The following FAM120B variants were observed in gnomAD, a reference collection of about 807,000 sequenced individuals.
FAM120B encodes the protein family with sequence similarity 120 member B.
FAM120B carries 83 observed loss-of-function variants against 96.3 expected under a neutral mutation model. That is an observed-to-expected ratio of 0.86 (90% CI 0.72 to 1.03). The LOEUF (loss-of-function observed/expected upper bound fraction) is 1.03, where lower values mean the gene tolerates loss of function less well. Ranked by LOEUF, FAM120B falls within the 50% of genes least tolerant of loss-of-function variation. The pLI, the probability that FAM120B is intolerant of heterozygous loss-of-function variation, is 0.00. For synonymous variants in FAM120B, 407 were observed against 402.7 expected, an observed-to-expected ratio of 1.01 and a Z score of -0.13; for missense variants, 1,027 against 1,121.2, an observed-to-expected ratio of 0.92 and a Z score of 1.20.
At chr6:170,296,498 G>A (rs1251801556) in intron 1 of FAM120B, among the ~76,000 whole-genome samples, 2 of 151,786 alleles carry the variant, frequency 1.3e-5, no homozygotes, top group African/African-American at 2.4e-5. Context: ...CCGTCGTGAC[G>A]GCCCCACGCA....
intron 5 of FAM120B, among the ~76,000 whole-genome samples, chr6:170,355,913 C>T (rs1787914591): frequency 6.6e-6 from 1 of 152,094 alleles, no homozygotes; most frequent in Admixed American, 6.5e-5. Context: ...CATAAAAATA[C>T]ATGTGTTTTG....
intron 5 of FAM120B, among the ~76,000 whole-genome samples, chr6:170,350,123 C>T (rs113263618): frequency 6.6e-5 from 10 of 152,312 alleles, no homozygotes; most frequent in African/African-American, 2.4e-4. Flanking sequence ...AAGAGTTTTA[C>T]ATACTCCGGC....
At position 170,323,123 on chromosome 6, in the gene FAM120B, C is replaced by T. The variant is rs759045660; in HGVS notation, c.1779C>T (p.Tyr593=). 4 of 1,613,930 alleles carry T rather than the reference C, an allele frequency of 2.5e-6. No individual in the cohort carries two copies. Among genetic ancestry groups the T allele is most frequent in the Non-Finnish European group, 3.4e-6 (4 of 1,179,948 alleles). The change falls in exon 3 of 11, where the codon TAC becomes TAT. Residue 593 remains tyrosine, a synonymous_variant. Transcript: ENST00000476287. The stretch of plus-strand genomic sequence containing the variant: ...TCCAAGCAGAAAGCTACCTGGTGTA[C>T]AACATCATGAGCAGTGGAGAGATTG... ...HHVQAESYLV[Y]NIMSSGEIEC...
At chr6:170,376,469 G>C (rs1023365382) in intron 6 of FAM120B, among the ~76,000 whole-genome samples, 27 of 150,474 alleles carry the variant, frequency 1.8e-4, no homozygotes, top group African/African-American at 6.6e-4. Context: ...TCATAGTGTC[G>C]AGGAACACGG....
rs79859130 is a variant in FAM120B at position 170,329,594 on chromosome 6, CT to C, written c.1916-843del. On this transcript the variant is annotated intron_variant, in intron 3 of 10. Coordinates refer to ENST00000476287, the MANE Select transcript of FAM120B (RefSeq NM_032448.3). ...GTGATTCATGTTCCTTTTTTACCGA[CT>C]TTTTTTTTTTTCTTAGAAGGTTTTG... Among the ~76,000 whole-genome samples, 506 of 146,994 alleles carry C rather than the reference CT, an allele frequency of 3.4e-3. 2 individuals are homozygous for C. Among genetic ancestry groups the C allele is most frequent in the African/African-American group, 9.9e-3 (399 of 40,376 alleles).
chr6:170,361,222 A>ATATATGTACG, intron 6 of FAM120B, among the ~76,000 whole-genome samples: 1 of 102,004 alleles, frequency 9.8e-6, no homozygotes, highest in East Asian at 3.3e-4. Flanking sequence ...ATATATATAT[A>ATATATGTACG]TATATATATA....
chr6:170,331,599 G>A (rs1278027174), intron 4 of FAM120B, among the ~76,000 whole-genome samples: 2 of 152,128 alleles, frequency 1.3e-5, no homozygotes, highest in African/African-American at 4.8e-5. Context: ...TTCCAAAAAT[G>A]TTTTATTATA....
intron 6 of FAM120B, among the ~76,000 whole-genome samples, chr6:170,361,476 A>G (rs1299985550): frequency 6.6e-6 from 1 of 152,084 alleles, no homozygotes; most frequent in African/African-American, 2.4e-5. Context: ...CATGACTTTT[A>G]AAAGTAAAGG....
rs372748777 is a variant in FAM120B at position 170,360,440 on chromosome 6, C to T, written c.2283+2122C>T. 3.3e-5 allele frequency among the ~76,000 whole-genome samples: 5 copies of T among 152,196 alleles called. No homozygotes were observed. The East Asian group carries it at 9.6e-4, about 29-fold the overall frequency. On this transcript the variant is annotated intron_variant, in intron 6 of 10. Coordinates refer to ENST00000476287, the MANE Select transcript of FAM120B (RefSeq NM_032448.3). ...CTAAAGTAGAGCCAGGCTTTTGACA[C>T]CCTGTCCGGGGTTCTGGCCATGCTG... is the stretch of plus-strand genomic sequence containing the variant.
intron 9 of FAM120B, among the ~76,000 whole-genome samples, chr6:170,397,937 C>A (rs77875605): frequency 1.3e-5 from 2 of 152,202 alleles, no homozygotes; most frequent in African/African-American, 4.8e-5. Flanking sequence ...GTCCCCTACT[C>A]CTAGCCTCGT....
intron 6 of FAM120B, among the ~76,000 whole-genome samples, chr6:170,382,220 AG>A (rs1789948066): frequency 1.3e-5 from 2 of 152,190 alleles, no homozygotes; most frequent in Admixed American, 6.5e-5. Context: ...AAGAAGTTCA[AG>A]ACCAGCCTGC....
rs370259971 is a variant in FAM120B at position 170,388,304 on chromosome 6, C to T, written c.2301C>T (p.Pro767=). Residue 767 remains proline (P), a synonymous_variant, in exon 7 of 11, where the codon CCC becomes CCT. Transcript: ENST00000476287. ...CTCCACAGCCTGATTACATCAACCC[C>T]AGAGCCGTGCAGCTGGGCTCCCTTC... ...LVNLQPDYIN[P]RAVQLGSLLV... is the part of the protein sequence containing the mutation. The T allele has an allele frequency of 1.5e-5, 24 of 1,613,786 alleles. No individual in the cohort carries two copies. The East Asian group carries it at 2.5e-4, about 16-fold the overall frequency.
intron 5 of FAM120B, among the ~76,000 whole-genome samples, chr6:170,351,021 A>G (rs147208649): frequency 9.6e-4 from 147 of 152,358 alleles, no homozygotes; most frequent in Admixed American, 3.5e-3. Flanking sequence ...TTGTAATTCA[A>G]TGCAAAGAAG....
At chr6:170,337,466 C>A (rs1416135360) in intron 4 of FAM120B, among the ~76,000 whole-genome samples, 2 of 152,174 alleles carry the variant, frequency 1.3e-5, no homozygotes, top group Non-Finnish European at 2.9e-5. Flanking sequence ...CATCGATGTT[C>A]ATCAGAGATA....
intron 8 of FAM120B, among the ~76,000 whole-genome samples, chr6:170,392,971 G>A (rs1182723328): frequency 6.6e-6 from 1 of 152,152 alleles, no homozygotes; most frequent in Non-Finnish European, 1.5e-5. Flanking sequence ...AAATAAATGT[G>A]TGATACTCTC....
rs1262225872 is a variant in FAM120B, at chr6:170,370,398, T to G, written c.2283+12080T>G. Among the ~76,000 whole-genome samples, 1 of 152,172 alleles carries G rather than the reference T, an allele frequency of 6.6e-6. No individual in the cohort carries two copies. Among genetic ancestry groups the G allele is most frequent in the East Asian group, 1.9e-4 (1 of 5,188 alleles). On this transcript the variant is annotated intron_variant, in intron 6 of 10. Coordinates refer to ENST00000476287, the MANE Select transcript of FAM120B (RefSeq NM_032448.3). The surrounding 1 kb of genome is among the most constrained non-coding windows in gnomAD (Gnocchi z 4.3). ...ACCTGAGGGTCCATCACCCTTCCTC[T>G]GGGGGGTGAGGCAGAGGACCCTGTT...
chr6:170,395,613 C>T lies in FAM120B; in HGVS notation c.2692+34C>T, dbSNP rs140017789. 575 of 1,424,310 alleles carry T rather than the reference C, an allele frequency of 4.0e-4. 2 individuals are homozygous for T. In the Middle Eastern group the frequency reaches 5.5e-3, roughly 14 times the overall value. The allele number at this position is 1,424,310 out of a possible 1,614,324, so 88.2% of individuals were successfully genotyped here. A position where few individuals can be genotyped will look rare whatever the true frequency, so the allele number is the denominator to read the frequency against. Reference sequence around the variant, plus strand: ...GCCAGTGGTCACTCTGCTGGGCCACCTGCATGGCACTGCCTCTCACCTTGT... The same window carrying T: ...GCCAGTGGTCACTCTGCTGGGCCACTTGCATGGCACTGCCTCTCACCTTGT... On this transcript the variant is annotated intron_variant, in intron 9 of 10. Transcript: ENST00000476287.
chr6:170,395,573 G>C lies in FAM120B; in HGVS notation c.2686G>C (p.Gly896Arg), dbSNP rs1244864423. ...TCAGGGACAGCCGTGGAGAGACCAGGGACCAGGTAAGAAGGCCAGTGGTCA... is the reference window on the plus strand; with the variant it reads ...TCAGGGACAGCCGTGGAGAGACCAGCGACCAGGTAAGAAGGCCAGTGGTCA... ...SSQGQPWRDQ[G>R]PGSRQYEHDQ... The change falls in exon 9 of 11, where the codon GGA (glycine) becomes CGA (arginine). Residue 896 changes from glycine (G) to arginine (R), a missense_variant. Physicochemically the swap from Gly to Arg is moderately radical, Grantham distance 125. Around this residue, in one of 3 missense-constraint regions of FAM120B, gnomAD observed 142 missense variants for 122.5 expected, o/e 1.16. Coordinates refer to ENST00000476287, the MANE Select transcript of FAM120B (RefSeq NM_032448.3). 1.3e-6 allele frequency: 2 copies of C among 1,590,892 alleles called. No homozygotes were observed. The highest frequency in any genetic ancestry group is 3.5e-5 in the Admixed American group (2 of 57,198).
intron 5 of FAM120B, among the ~76,000 whole-genome samples, chr6:170,356,255 G>A (rs1361958879): frequency 1.3e-5 from 2 of 152,166 alleles, no homozygotes; most frequent in African/African-American, 4.8e-5. Flanking sequence ...GTTGGCATGA[G>A]CAGACTTGGT....
Sources: gnomAD v4.1 joint callset for allele counts (sites outside exome capture counted in the v4.1 genomes callset) on GRCh38, gnomAD v4.1.1 for gene constraint, gnomAD v4.1.1 regional missense constraint, Gnocchi (gnomAD v3.1) non-coding constraint, MANE v1.5 for transcripts, NCBI Gene and HGNC (gene_info 2026-07-23, HGNC 2026-07-21) for gene names.